Variants in ULK4 observed in about 807,000 individuals in gnomAD.
ULK4 encodes the protein inactive serine/threonine-protein kinase ULK4.
ULK4 carries 133 observed loss-of-function variants against 160.6 expected under a neutral mutation model. The ratio of observed to expected loss-of-function variants is 0.83; its 90% CI spans 0.72 to 0.96. The LOEUF (loss-of-function observed/expected upper bound fraction) is 0.96, where lower values mean the gene tolerates loss of function less well. Among genes scored for constraint, ULK4 ranks in the 40% least tolerant of loss-of-function variants. The probability of loss-of-function intolerance (pLI) is 0.00; values close to 1 mark genes in which losing one functional copy is unlikely to be tolerated. For synonymous variants in ULK4, 534 were observed against 539.8 expected (o/e 0.99, Z 0.15); for missense variants, 1,580 against 1,499.5 (o/e 1.05, Z -0.89).
At position 41,715,297 on chromosome 3, in the gene ULK4, T is replaced by A. The variant is rs180901060; in HGVS notation, c.2578-4A>T. 6.2e-7 allele frequency: 1 copy of A among 1,613,728 alleles called. No homozygotes were observed. Among genetic ancestry groups the A allele is most frequent in the East Asian group, 2.2e-5 (1 of 44,876 alleles). Reference sequence around the variant, plus strand: ...TCACAACTTGAGGTCGAAATACCTGTGTGATGAGAGTTTCTACAGATTAAA... The same window carrying A: ...TCACAACTTGAGGTCGAAATACCTGAGTGATGAGAGTTTCTACAGATTAAA... On this transcript the variant is annotated splice_polypyrimidine_tract_variant and splice_region_variant and intron_variant, in intron 24 of 36. Coordinates refer to ENST00000301831, the MANE Select transcript of ULK4 (RefSeq NM_017886.4).
chr3:41,922,068 G>C (rs1347374774), intron 5 of ULK4, among the ~76,000 whole-genome samples: 2 of 152,042 alleles, frequency 1.3e-5, no homozygotes, highest in Non-Finnish European at 2.9e-5. Context: ...CAGGAGAATG[G>C]CATGAACCCA....
intron 27 of ULK4, among the ~76,000 whole-genome samples, chr3:41,693,341 C>T (rs1029405814): frequency 6.6e-6 from 1 of 152,150 alleles, no homozygotes; most frequent in African/African-American, 2.4e-5. Context: ...ACCAGTAAAT[C>T]GCAATTTACC....
chr3:41,789,953 C>G (rs2040099958), intron 20 of ULK4, 110 bp from the exon 21 acceptor site: 1 of 966,316 alleles, frequency 1.0e-6, no homozygotes, highest in African/African-American at 1.7e-5. Flanking sequence ...TTACTTGGCT[C>G]TTTTATTACT....
At chr3:41,543,729 T>C (rs1300559668) in intron 32 of ULK4, among the ~76,000 whole-genome samples, 1 of 152,196 alleles carries the variant, frequency 6.6e-6, no homozygotes, top group Non-Finnish European at 1.5e-5. Flanking sequence ...ATAATCCTTT[T>C]TATCTTTATG....
At chr3:41,294,733 C>T (rs1559509172) in intron 35 of ULK4, among the ~76,000 whole-genome samples, 1 of 151,776 alleles carries the variant, frequency 6.6e-6, no homozygotes, top group African/African-American at 2.4e-5. Flanking sequence ...AATGCAATAA[C>T]AAGAAAAGAA....
intron 31 of ULK4, among the ~76,000 whole-genome samples, chr3:41,568,485 T>A (rs1399928272): frequency 6.6e-6 from 1 of 152,352 alleles, no homozygotes; most frequent in South Asian, 2.1e-4. Flanking sequence ...CCTCTTCTGA[T>A]TTTACTATCG....
chr3:41,446,069 T>C (rs2083290162), intron 34 of ULK4, among the ~76,000 whole-genome samples: 1 of 152,096 alleles, frequency 6.6e-6, no homozygotes, highest in African/African-American at 2.4e-5. Context: ...GAGAAGGATA[T>C]GAACAGACAC....
At chr3:41,657,179 T>C (rs1383025533) in intron 30 of ULK4, among the ~76,000 whole-genome samples, 1 of 152,164 alleles carries the variant, frequency 6.6e-6, no homozygotes, top group Non-Finnish European at 1.5e-5. Flanking sequence ...GATTTGATTA[T>C]GCTCGTCCCT....
intron 32 of ULK4, among the ~76,000 whole-genome samples, chr3:41,475,555 A>G (rs1284534265): frequency 1.3e-5 from 2 of 152,216 alleles, no homozygotes; most frequent in East Asian, 3.9e-4. Flanking sequence ...ATTATTCCAC[A>G]TTATATTCAT....
chr3:41,946,036 CA>C (rs1488258080), intron 2 of ULK4, among the ~76,000 whole-genome samples: 2 of 151,504 alleles, frequency 1.3e-5, no homozygotes, highest in Non-Finnish European at 2.9e-5. Context: ...AAGAGACGGG[CA>C]GGGGGCGGGA....
chr3:41,814,908 CTTTTTTT>C (rs201381514), intron 19 of ULK4, among the ~76,000 whole-genome samples: 3 of 127,438 alleles, frequency 2.4e-5, no homozygotes, highest in African/African-American at 6.3e-5. Context: ...TAATTCTGTC[CTTTTTTT>C]TTTTTTTTTT....
At chr3:41,674,862 T>C (rs2035656489) in intron 29 of ULK4, among the ~76,000 whole-genome samples, 1 of 152,122 alleles carries the variant, frequency 6.6e-6, no homozygotes, top group African/African-American at 2.4e-5. Context: ...ACCCTACAAA[T>C]GCACCATGGG....
At chr3:41,663,050 A>G (rs1459788481) in intron 30 of ULK4, among the ~76,000 whole-genome samples, 1 of 151,826 alleles carries the variant, frequency 6.6e-6, no homozygotes, top group African/African-American at 2.4e-5. Context: ...GTGAAACCCC[A>G]TCTCTACTAA....
intron 25 of ULK4, among the ~76,000 whole-genome samples, chr3:41,707,113 G>A (rs1036070222): frequency 1.3e-5 from 2 of 151,840 alleles, no homozygotes; most frequent in African/African-American, 2.4e-5. Context: ...TCTTAAAATA[G>A]TTTTAACACA....
intron 32 of ULK4, among the ~76,000 whole-genome samples, chr3:41,478,653 T>G (rs1275818588): frequency 6.6e-6 from 1 of 152,190 alleles, no homozygotes; most frequent in Admixed American, 6.5e-5. Context: ...TCGGATGGGA[T>G]AAACTCAATT....
intron 18 of ULK4, among the ~76,000 whole-genome samples, chr3:41,821,683 C>T (rs1052500144): frequency 7.2e-5 from 11 of 152,126 alleles, no homozygotes; most frequent in African/African-American, 9.7e-5. Flanking sequence ...AATAGGGTCA[C>T]GGTATCTCAT....
chr3:41,726,019 T>C (rs1406812480), intron 22 of ULK4, among the ~76,000 whole-genome samples: 1 of 152,148 alleles, frequency 6.6e-6, no homozygotes, highest in African/African-American at 2.4e-5. Flanking sequence ...AGTCAAGGAA[T>C]CCAAATGAAA....
At chr3:41,523,530 A>G (rs1473074376) in intron 32 of ULK4, among the ~76,000 whole-genome samples, 1 of 152,224 alleles carries the variant, frequency 6.6e-6, no homozygotes, top group African/African-American at 2.4e-5. Context: ...TACAATAAAA[A>G]ATAAATACTT....
intron 27 of ULK4, among the ~76,000 whole-genome samples, chr3:41,692,198 G>A (rs1302418465): frequency 3.3e-5 from 5 of 149,594 alleles, no homozygotes; most frequent in East Asian, 1.9e-4. Context: ...TGATCTGCCC[G>A]CCTCGGCCTC....
Sources: gnomAD v4.1 joint callset for allele counts (sites outside exome capture counted in the v4.1 genomes callset) on GRCh38, gnomAD v4.1.1 for gene constraint, MANE v1.5 for transcripts, NCBI Gene and HGNC (gene_info 2026-07-23, HGNC 2026-07-21) for gene names.